ADAMTS6: variants seen among roughly 807,000 people sequenced by gnomAD.
The protein encoded by ADAMTS6 is A disintegrin and metalloproteinase with thrombospondin motifs 6.
Under a neutral mutation model 144.3 loss-of-function variants are expected in ADAMTS6, and 23 were observed. The ratio of observed to expected loss-of-function variants is 0.16; its 90% CI spans 0.11 to 0.23. The LOEUF is 0.23. Ranked by LOEUF, ADAMTS6 falls within the 10% of genes least tolerant of loss-of-function variation. The probability of loss-of-function intolerance (pLI) is 1.00; values close to 1 mark genes in which losing one functional copy is unlikely to be tolerated. For synonymous variants in ADAMTS6, 444 were observed against 457.5 expected (o/e 0.97, Z 0.38); for missense variants, 999 against 1,379.6 (o/e 0.72, Z 4.37).
chr5:65,258,040 T>C (rs1344136976), intron 14 of ADAMTS6, among the ~76,000 whole-genome samples: 1 of 152,214 alleles, frequency 6.6e-6, no homozygotes, highest in African/African-American at 2.4e-5. Context: ...TAATTGAAGC[T>C]ACATGTAATT....
intron 7 of ADAMTS6, among the ~76,000 whole-genome samples, chr5:65,340,982 A>C (rs1409346999): frequency 1.3e-5 from 2 of 152,080 alleles, no homozygotes; most frequent in African/African-American, 2.4e-5. Context: ...AGGCTGCAAT[A>C]ATATGTCACT....
intron 9 of ADAMTS6, among the ~76,000 whole-genome samples, chr5:65,328,501 T>C (rs1746394772): frequency 6.6e-6 from 1 of 150,986 alleles, no homozygotes; most frequent in South Asian, 2.1e-4. Flanking sequence ...TTGCTAAACG[T>C]CAACTGTTTC....
chr5:65,269,955 G>A (rs56026432), intron 12 of ADAMTS6, among the ~76,000 whole-genome samples: 6,803 of 151,830 alleles, frequency 0.045, 225 homozygotes, highest in Non-Finnish European at 0.074. Flanking sequence ...CACCATGCCC[G>A]GCTAATTTTT....
intron 24 of ADAMTS6, among the ~76,000 whole-genome samples, chr5:65,164,500 C>T (rs1275340602): frequency 1.5e-4 from 21 of 138,238 alleles, no homozygotes; most frequent in African/African-American, 3.7e-4. Context: ...ACAAAGCAGC[C>T]GGGAAGCTCG....
At chr5:65,223,489 C>T (rs1312912126) in intron 18 of ADAMTS6, among the ~76,000 whole-genome samples, 1 of 152,162 alleles carries the variant, frequency 6.6e-6, no homozygotes, top group East Asian at 1.9e-4. Flanking sequence ...CTCCTCCCTG[C>T]CCCCTGGTAA....
chr5:65,355,530 A>C (rs1483104734), intron 7 of ADAMTS6, among the ~76,000 whole-genome samples: 1 of 151,864 alleles, frequency 6.6e-6, no homozygotes, highest in East Asian at 1.9e-4. Context: ...CCTTTCTCTC[A>C]CTCAAATCAC....
intron 7 of ADAMTS6, among the ~76,000 whole-genome samples, chr5:65,391,127 G>A (rs746739516): frequency 2.0e-5 from 3 of 151,980 alleles, no homozygotes; most frequent in African/African-American, 4.8e-5. Context: ...CGCCATGTAG[G>A]CCAGTCTCGT....
chr5:65,217,534 A>T (rs1561290399), intron 18 of ADAMTS6, among the ~76,000 whole-genome samples: 1 of 152,184 alleles, frequency 6.6e-6, no homozygotes. Context: ...TTATGAAAAG[A>T]GAATTACCAA....
At chr5:65,244,011 A>G (rs2112505237) in intron 14 of ADAMTS6, among the ~76,000 whole-genome samples, 1 of 152,242 alleles carries the variant, frequency 6.6e-6, no homozygotes, top group South Asian at 2.1e-4. Context: ...ATATGACAGC[A>G]TGTTACAGAT....
intron 7 of ADAMTS6, among the ~76,000 whole-genome samples, chr5:65,438,607 C>G (rs1580709565): frequency 1.3e-5 from 2 of 152,206 alleles, no homozygotes; most frequent in East Asian, 3.9e-4. Flanking sequence ...TGTCAGAAAA[C>G]TATAGTTGAA....
intron 22 of ADAMTS6, among the ~76,000 whole-genome samples, chr5:65,184,851 G>T (rs1236567049): frequency 6.6e-6 from 1 of 151,612 alleles, no homozygotes; most frequent in Non-Finnish European, 1.5e-5. Context: ...TTTCACTGAC[G>T]CTGGCTTTAC....
At chr5:65,206,087 T>C (rs1363145622) in intron 20 of ADAMTS6, among the ~76,000 whole-genome samples, 1 of 152,172 alleles carries the variant, frequency 6.6e-6, no homozygotes, top group African/African-American at 2.4e-5. Context: ...GGTGACATTT[T>C]TAATCCAACT....
At chr5:65,307,265 A>C (rs1744026685) in intron 9 of ADAMTS6, among the ~76,000 whole-genome samples, 1 of 152,194 alleles carries the variant, frequency 6.6e-6, no homozygotes, top group Non-Finnish European at 1.5e-5. Context: ...GTATAGCTTG[A>C]CACTGAATTC....
intron 7 of ADAMTS6, among the ~76,000 whole-genome samples, chr5:65,379,993 C>T (rs1350916196): frequency 2.0e-5 from 3 of 152,034 alleles, no homozygotes; most frequent in Admixed American, 2.0e-4. Flanking sequence ...TCAGTTCTTA[C>T]TGACTCATGA....
At position 65,215,412 on chromosome 5, in the gene ADAMTS6, G is replaced by C; in HGVS notation, c.2348C>G (p.Ala783Gly). 6.2e-7 allele frequency: 1 copy of C among 1,614,024 alleles called. No individual in the cohort carries two copies. Among genetic ancestry groups the C allele is most frequent in the South Asian group, 1.1e-5 (1 of 91,076 alleles). The change falls in exon 19 of 25, where the codon GCT becomes GGT. Residue 783 changes from alanine (A) to glycine (G), a missense_variant. Around this residue, in one of 3 missense-constraint regions of ADAMTS6, gnomAD observed 619 missense variants for 837.0 expected, o/e 0.74. Coordinates refer to ENST00000381055, the MANE Select transcript of ADAMTS6 (RefSeq NM_197941.4). ...TIDWPRKFDV[A>G]GTAFHYKRPT... is the part of the protein sequence containing the mutation. ...TCTCTTGTAATGAAAAGCTGTCCCA[G>C]CAACATCAAATTTCCTAGGCCAGTC...
In ADAMTS6 at chr5:65,214,751, C is replaced by T; in HGVS notation, c.2575+43G>A. 1 of 1,613,496 alleles carries T rather than the reference C, an allele frequency of 6.2e-7. No homozygotes were observed. The highest frequency in any genetic ancestry group is 8.5e-7 in the Non-Finnish European group (1 of 1,179,836). Reference sequence around the variant, plus strand: ...AGCATAGCTCAGAATGTGTTTTGTTCTCCATCTTGCCCTCTGGGTGGGCTG... The same window carrying T: ...AGCATAGCTCAGAATGTGTTTTGTTTTCCATCTTGCCCTCTGGGTGGGCTG... On this transcript the variant is annotated intron_variant, in intron 20 of 24. Transcript: ENST00000381055. The surrounding 1 kb of genome is among the most constrained non-coding windows in gnomAD (Gnocchi z 4.6).
intron 7 of ADAMTS6, among the ~76,000 whole-genome samples, chr5:65,410,161 C>A (rs189751595): frequency 6.6e-6 from 1 of 152,242 alleles, no homozygotes; most frequent in African/African-American, 2.4e-5. Context: ...GTTGGGACTT[C>A]CAATGACAAA....
In ADAMTS6 at chr5:65,405,206, A is replaced by G. The variant is rs185681723; in HGVS notation, c.1073+46269T>C. On this transcript the variant is annotated intron_variant, in intron 7 of 24. Coordinates refer to ENST00000381055, the MANE Select transcript of ADAMTS6 (RefSeq NM_197941.4). Reference sequence around the variant, plus strand: ...TGCCATTGCTTTAGGTGTTTTAGACATGAAGTCCTTGCCTATGCCTATATC... The same window carrying G: ...TGCCATTGCTTTAGGTGTTTTAGACGTGAAGTCCTTGCCTATGCCTATATC... Among the ~76,000 whole-genome samples, 9 of 152,360 alleles carry G rather than the reference A, an allele frequency of 5.9e-5. No individual in the cohort carries two copies. In the East Asian group the frequency reaches 1.5e-3, roughly 26 times the overall value.
At chr5:65,372,514 C>G (rs957178524) in intron 7 of ADAMTS6, among the ~76,000 whole-genome samples, 2 of 151,678 alleles carry the variant, frequency 1.3e-5, no homozygotes, top group Non-Finnish European at 2.9e-5. Context: ...CAAAGAAGGC[C>G]ATTACGTAAT....
Sources: gnomAD v4.1 joint callset for allele counts (sites outside exome capture counted in the v4.1 genomes callset) on GRCh38, gnomAD v4.1.1 for gene constraint, gnomAD v4.1.1 regional missense constraint, Gnocchi (gnomAD v3.1) non-coding constraint, MANE v1.5 for transcripts, NCBI Gene and HGNC (gene_info 2026-07-23, HGNC 2026-07-21) for gene names.